Variants in KIT observed in about 807,000 individuals in gnomAD.
KIT encodes the protein mast/stem cell growth factor receptor Kit.
A neutral mutation model predicts 105.7 loss-of-function variants in KIT; 16 were observed. The ratio of observed to expected loss-of-function variants is 0.15; its 90% CI spans 0.10 to 0.23. KIT has a LOEUF of 0.23. Ranked by LOEUF, KIT falls within the 10% of genes least tolerant of loss-of-function variation. The pLI is 1.00. For missense variants in KIT, 858 were observed against 1,213.8 expected, an observed-to-expected ratio of 0.71 and a Z score of 4.36; for synonymous variants, 438 against 441.1, an observed-to-expected ratio of 0.99 and a Z score of 0.09.
At chr4:54,683,440 C>A (rs1320377921) in intron 1 of KIT, among the ~76,000 whole-genome samples, 1 of 152,176 alleles carries the variant, frequency 6.6e-6, no homozygotes, top group South Asian at 2.1e-4. Flanking sequence ...AGTTCGAGAT[C>A]TGCCTGGGCA....
intron 7 of KIT, among the ~76,000 whole-genome samples, chr4:54,722,871 ATATT>A (rs1422485444): frequency 4.3e-5 from 6 of 139,238 alleles, no homozygotes; most frequent in Non-Finnish European, 9.0e-5. Flanking sequence ...ATATGTATAT[ATATT>A]TATATATATG....
chr4:54,690,062 G>GGGA (rs1553886404), intron 1 of KIT, among the ~76,000 whole-genome samples: 1 of 138,406 alleles, frequency 7.2e-6, no homozygotes, highest in African/African-American at 2.5e-5. Context: ...TTTTTGTGGG[G>GGGA]GGGGGGGGCT....
At chr4:54,717,532 T>C (rs1324807850) in intron 7 of KIT, among the ~76,000 whole-genome samples, 8 of 152,168 alleles carry the variant, frequency 5.3e-5, no homozygotes, top group African/African-American at 1.9e-4. Context: ...AAACTTCTGC[T>C]GGAATTGACT....
At chr4:54,687,452 TAAAAA>T (rs939761477) in intron 1 of KIT, among the ~76,000 whole-genome samples, 1 of 151,114 alleles carries the variant, frequency 6.6e-6, no homozygotes, top group Non-Finnish European at 1.5e-5. Flanking sequence ...AAAAAAAAAA[TAAAAA>T]AAAGACTTAC....
intron 15 of KIT, among the ~76,000 whole-genome samples, 160 bp downstream of exon 15, chr4:54,731,579 G>A (rs775273686): frequency 6.6e-6 from 1 of 152,158 alleles, no homozygotes; most frequent in African/African-American, 2.4e-5. Context: ...TTGCAAGTGG[G>A]TGTTTGGGGT....
chr4:54,727,027 A>G (rs1722262766), intron 9 of KIT, among the ~76,000 whole-genome samples, 191 bp from the exon 10 acceptor site: 1 of 152,132 alleles, frequency 6.6e-6, no homozygotes, highest in Non-Finnish European at 1.5e-5. Context: ...TGTGGTTTCA[A>G]GTTATATTTT....
At chr4:54,694,062 C>G (rs1277956687) in intron 1 of KIT, among the ~76,000 whole-genome samples, 1 of 152,132 alleles carries the variant, frequency 6.6e-6, no homozygotes, top group African/African-American at 2.4e-5. Flanking sequence ...CTACAGGGTC[C>G]CTGAGGTACG....
chr4:54,725,818 T>C lies in KIT; in HGVS notation c.1347-39T>C, dbSNP rs780446254. 3 of 1,571,092 alleles carry C rather than the reference T, an allele frequency of 1.9e-6. No individual in the cohort carries two copies. The East Asian group carries it at 6.7e-5, about 35-fold the overall frequency. On this transcript the variant is annotated intron_variant, in intron 8 of 20. Transcript: ENST00000288135. ...AAGTGTTTTATGTATTTATTTATTT[T>C]CCTAGAGTAAGCCAGGGCTTTTGTT...
rs756286159 is a variant in KIT at position 54,707,217 on chromosome 4, A to T, written c.1045A>T (p.Ile349Phe). ...CCCCAAACCTGAACACCAGCAGTGGATCTATATGAACAGAACCTTCACTGA... is the reference window on the plus strand; with the variant it reads ...CCCCAAACCTGAACACCAGCAGTGGTTCTATATGAACAGAACCTTCACTGA... ...AFPKPEHQQWIYMNRTFTDKW... is the reference protein window; with the variant it reads ...AFPKPEHQQWFYMNRTFTDKW... Residue 349 changes from isoleucine to phenylalanine, a missense_variant, in exon 6 of 21, where the codon ATC (isoleucine) becomes TTC (phenylalanine). This residue lies in a region of KIT where 401 missense variants were observed against 601.0 expected (regional missense o/e 0.67). Transcript: ENST00000288135. 1.9e-6 allele frequency: 3 copies of T among 1,611,532 alleles called. No individual in the cohort carries two copies. The highest frequency in any genetic ancestry group is 2.5e-6 in the Non-Finnish European group (3 of 1,177,694).
intron 7 of KIT, among the ~76,000 whole-genome samples, chr4:54,719,737 T>C (rs758305575): frequency 2.6e-5 from 4 of 152,188 alleles, no homozygotes; most frequent in Non-Finnish European, 5.9e-5. Flanking sequence ...GAGTTATGTA[T>C]CTTTAAAGGC....
At chr4:54,736,358 T>C in intron 17 of KIT, 140 bp from the exon 18 acceptor site, 2 of 718,632 alleles carry the variant, frequency 2.8e-6, no homozygotes, top group Non-Finnish European at 2.5e-6. Flanking sequence ...TGAGTTCATA[T>C]AGGTAAAAGG....
chr4:54,698,293 A>G lies in KIT; in HGVS notation c.347A>G (p.Lys116Arg), dbSNP rs1435179275. The change falls in exon 3 of 21, where the codon AAG becomes AGG. Residue 116 changes from lysine to arginine, a missense_variant. Around this residue, in one of 7 missense-constraint regions of KIT, gnomAD observed 401 missense variants for 601.0 expected, o/e 0.67. Transcript: ENST00000288135. ...SIYVFVRDPAKLFLVDRSLYG... is the reference protein window; with the variant it reads ...SIYVFVRDPARLFLVDRSLYG... The stretch of plus-strand genomic sequence containing the variant: ...GGATATGCTTCTATAGATCCTGCCA[A>G]GCTTTTCCTTGTTGACCGCTCCTTG... 6.2e-7 allele frequency: 1 copy of G among 1,613,880 alleles called. No individual in the cohort carries two copies. Among genetic ancestry groups the G allele is most frequent in the Non-Finnish European group, 8.5e-7 (1 of 1,179,920 alleles).
At chr4:54,683,570 A>G (rs986576542) in intron 1 of KIT, among the ~76,000 whole-genome samples, 6 of 152,200 alleles carry the variant, frequency 3.9e-5, no homozygotes, top group African/African-American at 1.4e-4. Flanking sequence ...ATATATACAA[A>G]TATTAAATAT....
intron 3 of KIT, 51 bp downstream of exon 3, chr4:54,698,616 A>G (rs1292758781): frequency 6.3e-7 from 1 of 1,593,612 alleles, no homozygotes; most frequent in Admixed American, 1.7e-5. Flanking sequence ...CACTTATCTA[A>G]AGAAGACTTC....
At position 54,707,163 on chromosome 4, in the gene KIT, G is replaced by A; in HGVS notation, c.991G>A (p.Val331Ile). ...AGTATTTGTAAACGATGGAGAAAAT[G>A]TAGATTTGATTGTTGAATATGAAGC... ...TTVFVNDGEN[V>I]DLIVEYEAFP... The change falls in exon 6 of 21, where the codon GTA becomes ATA. Residue 331 changes from valine to isoleucine, a missense_variant. Physicochemically the swap from Val to Ile is conservative, Grantham distance 29. Coordinates refer to ENST00000288135, the MANE Select transcript of KIT (RefSeq NM_000222.3). 1 of 1,589,752 alleles carries A rather than the reference G, an allele frequency of 6.3e-7. No homozygotes were observed. The highest frequency in any genetic ancestry group is 1.1e-5 in the South Asian group (1 of 90,496).
At chr4:54,678,255 T>TCTTCATAGCTTCCTAG (rs1718625278) in intron 1 of KIT, among the ~76,000 whole-genome samples, 1 of 150,096 alleles carries the variant, frequency 6.7e-6, no homozygotes, top group African/African-American at 2.5e-5. Flanking sequence ...CTGCCATTTT[T>TCTTCATAGCTTCCTAG]CTTCATAGCT....
intron 1 of KIT, among the ~76,000 whole-genome samples, chr4:54,662,994 GAAA>G: frequency 7.1e-6 from 1 of 141,790 alleles, no homozygotes; most frequent in South Asian, 2.2e-4. Context: ...CTCCAGGGGG[GAAA>G]AAAAAAAACT....
rs138450896 is a variant in KIT at position 54,680,683 on chromosome 4, G to A, written c.68-14829G>A. ...GCTGGGATTACAGGTATGAGCCACC[G>A]TGCCGGCCTTATTTGTCTTCCTCAA... On this transcript the variant is annotated intron_variant, in intron 1 of 20. Coordinates refer to ENST00000288135, the MANE Select transcript of KIT (RefSeq NM_000222.3). 4.6e-3 allele frequency among the ~76,000 whole-genome samples: 698 copies of A among 152,128 alleles called. 3 individuals are homozygous for A. Among genetic ancestry groups the A allele is most frequent in the African/African-American group, 0.016 (653 of 41,506 alleles).
intron 14 of KIT, 57 bp from the exon 15 acceptor site, chr4:54,731,271 G>A (rs1722574891): frequency 8.6e-7 from 1 of 1,156,704 alleles, no homozygotes; most frequent in Admixed American, 1.7e-5. Flanking sequence ...CATGACCCAT[G>A]AGTGCCCTTC....
Sources: gnomAD v4.1 joint callset for allele counts (sites outside exome capture counted in the v4.1 genomes callset) on GRCh38, gnomAD v4.1.1 for gene constraint, gnomAD v4.1.1 regional missense constraint, MANE v1.5 for transcripts, NCBI Gene and HGNC (gene_info 2026-07-23, HGNC 2026-07-21) for gene names.